Variants in USP34 observed in about 807,000 individuals in gnomAD.
USP34 encodes ubiquitin carboxyl-terminal hydrolase 34.
A neutral mutation model predicts 460.3 loss-of-function variants in USP34; 70 were observed. The observed-to-expected ratio is 0.15, with a 90% CI of 0.13 to 0.19. USP34 has a LOEUF of 0.19. USP34 is among the 10% of genes least tolerant of loss of function. The probability of loss-of-function intolerance (pLI) is 1.00; values close to 1 mark genes in which losing one functional copy is unlikely to be tolerated. For synonymous variants in USP34, 1,647 were observed against 1,405.3 expected (o/e 1.17, Z -3.85); for missense variants, 3,985 against 4,236.2 (o/e 0.94, Z 1.65).
chr2:61,240,664 C>T, intron 53 of USP34, among the ~76,000 whole-genome samples: 1 of 150,132 alleles, frequency 6.7e-6, no homozygotes, highest in Non-Finnish European at 1.5e-5. Context: ...ACCTCCGCCT[C>T]TCAGGTTCAA....
intron 48 of USP34, among the ~76,000 whole-genome samples, chr2:61,251,147 A>G (rs1296723945): frequency 1.3e-5 from 2 of 152,156 alleles, no homozygotes; most frequent in Non-Finnish European, 2.9e-5. Flanking sequence ...CAAAAAAAAT[A>G]AATAAATAAA....
At position 61,214,396 on chromosome 2, in the gene USP34, A is replaced by G; in HGVS notation, c.8346T>C (p.Leu2782=). ...FSTYFMDLWN[L]FQPKLSEPAI... ...CTGGCTCAGAAAGTTTAGGCTGGAA[A>G]AGGTTCCACAAATCCATGAAATATG... The change falls in exon 68 of 80, where the codon CTT becomes CTC. Residue 2782 remains leucine, a synonymous_variant. Coordinates refer to ENST00000398571, the MANE Select transcript of USP34 (RefSeq NM_014709.4). The G allele has an allele frequency of 6.2e-7, 1 of 1,614,200 alleles. No homozygotes were observed. The highest frequency in any genetic ancestry group is 8.5e-7 in the Non-Finnish European group (1 of 1,180,040).
At chr2:61,248,488 A>G in intron 49 of USP34, 23 bp downstream of exon 49, 1 of 1,531,648 alleles carries the variant, frequency 6.5e-7, no homozygotes, top group Non-Finnish European at 8.8e-7. Flanking sequence ...ATCACAGACA[A>G]GAGAAAGAAA....
chr2:61,418,427 A>G (rs1469000212), intron 2 of USP34, among the ~76,000 whole-genome samples: 1 of 152,186 alleles, frequency 6.6e-6, no homozygotes, highest in Non-Finnish European at 1.5e-5. Flanking sequence ...TATACTGTAG[A>G]TAATACACTA....
At chr2:61,213,823 G>A (rs753658705) in intron 68 of USP34, among the ~76,000 whole-genome samples, 2 of 152,112 alleles carry the variant, frequency 1.3e-5, no homozygotes, top group Non-Finnish European at 2.9e-5. Context: ...TAAAAAACAG[G>A]TAAGTTTTAC....
chr2:61,360,323 T>G (rs1402329614), intron 10 of USP34, among the ~76,000 whole-genome samples: 1 of 152,086 alleles, frequency 6.6e-6, no homozygotes, highest in Non-Finnish European at 1.5e-5. Context: ...AGAAAACTGT[T>G]AGAACTAATA....
chr2:61,219,295 T>C (rs776599880), intron 67 of USP34, among the ~76,000 whole-genome samples: 2 of 152,206 alleles, frequency 1.3e-5, no homozygotes, highest in East Asian at 1.9e-4. Flanking sequence ...CACACACATC[T>C]TGTATATTCC....
chr2:61,376,776 T>C (rs116160477), intron 8 of USP34, among the ~76,000 whole-genome samples: 1,649 of 152,262 alleles, frequency 0.011, 22 homozygotes, highest in Non-Finnish European at 0.014. Flanking sequence ...GCTACCCAAA[T>C]AGCTGGAATC....
intron 48 of USP34, among the ~76,000 whole-genome samples, chr2:61,254,708 C>T (rs755259595): frequency 6.6e-6 from 1 of 152,170 alleles, no homozygotes; most frequent in Non-Finnish European, 1.5e-5. Context: ...GTAATATCAG[C>T]ATTTTTGGAG....
chr2:61,380,464 G>T, intron 6 of USP34, 103 bp from the exon 7 acceptor site: 1 of 1,216,472 alleles, frequency 8.2e-7, no homozygotes, highest in Non-Finnish European at 1.1e-6. Context: ...CATTTTTTGT[G>T]TCCAAAACCC....
intron 25 of USP34, among the ~76,000 whole-genome samples, 183 bp from the exon 26 acceptor site, chr2:61,312,093 A>G (rs184432068): frequency 3.9e-5 from 6 of 152,288 alleles, no homozygotes; most frequent in Admixed American, 2.6e-4. Context: ...TAACTGCATA[A>G]TAACAGCTAA....
intron 21 of USP34, among the ~76,000 whole-genome samples, chr2:61,322,907 G>A (rs1487933237): frequency 2.0e-5 from 3 of 152,228 alleles, no homozygotes; most frequent in Middle Eastern, 3.4e-3. Flanking sequence ...AAAAACAGAA[G>A]TATATCCATA....
chr2:61,213,292 G>C (rs1030019479), intron 68 of USP34, among the ~76,000 whole-genome samples: 1 of 152,122 alleles, frequency 6.6e-6, no homozygotes, highest in Non-Finnish European at 1.5e-5. Flanking sequence ...TTACAGGTGT[G>C]AGCCACTATG....
intron 1 of USP34, among the ~76,000 whole-genome samples, chr2:61,461,592 T>A (rs1186710): frequency 0.61 from 92,127 of 151,858 alleles, 28,019 homozygotes; most frequent in Middle Eastern, 0.68. Context: ...AGGGCTCAAG[T>A]GATCCTCCCA....
rs371151657 is a variant in USP34 at position 61,215,613 on chromosome 2, G to A, written c.8048-919C>T. ...ATCCTCACAATGACCCTGGATGGAG[G>A]TAACAGTGCTCTGGAAAATCTGAAT... On this transcript the variant is annotated intron_variant, in intron 67 of 79. Coordinates refer to ENST00000398571, the MANE Select transcript of USP34 (RefSeq NM_014709.4). 5.9e-5 allele frequency among the ~76,000 whole-genome samples: 9 copies of A among 152,282 alleles called. No homozygotes were observed. In the South Asian group the frequency reaches 6.2e-4, roughly 11 times the overall value.
intron 37 of USP34, 122 bp downstream of exon 37, chr2:61,283,023 C>T (rs1194224667): frequency 3.1e-6 from 3 of 977,392 alleles, no homozygotes; most frequent in Non-Finnish European, 3.0e-6. Flanking sequence ...AAGGATTAAG[C>T]AGATAATGTG....
chr2:61,212,659 C>T (rs552162207), intron 68 of USP34, among the ~76,000 whole-genome samples: 1 of 152,124 alleles, frequency 6.6e-6, no homozygotes, highest in African/African-American at 2.4e-5. Flanking sequence ...TGAACTGAAA[C>T]CCCCAGCTTC....
chr2:61,424,751 A>T (rs1467069357), intron 1 of USP34, among the ~76,000 whole-genome samples: 1 of 151,256 alleles, frequency 6.6e-6, no homozygotes, highest in East Asian at 1.9e-4. Context: ...TATGTTCTAT[A>T]TTTTTTTTTA....
intron 34 of USP34, among the ~76,000 whole-genome samples, chr2:61,286,548 T>TG (rs1410117694): frequency 4.0e-5 from 6 of 151,838 alleles, no homozygotes; most frequent in African/African-American, 1.4e-4. Context: ...CCCAGCTACC[T>TG]GGAGGCTGAG....
Sources: gnomAD v4.1 joint callset for allele counts (sites outside exome capture counted in the v4.1 genomes callset) on GRCh38, gnomAD v4.1.1 for gene constraint, MANE v1.5 for transcripts, NCBI Gene and HGNC (gene_info 2026-07-23, HGNC 2026-07-21) for gene names.